The following PREX1 variants were observed in gnomAD, a reference collection of about 807,000 sequenced individuals.
The protein encoded by PREX1 is phosphatidylinositol 3,4,5-trisphosphate-dependent Rac exchanger 1 protein.
A neutral mutation model predicts 198.3 loss-of-function variants in PREX1; 41 were observed. The ratio of observed to expected loss-of-function variants is 0.21; its 90% CI spans 0.16 to 0.27. PREX1 has a LOEUF of 0.27. Among genes scored for constraint, PREX1 ranks in the 10% least tolerant of loss-of-function variants. PREX1 has a pLI of 1.00. For synonymous variants in PREX1, 843 were observed against 887.2 expected (o/e 0.95, Z 0.89); for missense variants, 1,620 against 2,200.7 (o/e 0.74, Z 5.28).
chr20:48,768,062 T>G (rs2090217354), intron 1 of PREX1, among the ~76,000 whole-genome samples: 1 of 152,098 alleles, frequency 6.6e-6, no homozygotes, highest in South Asian at 2.1e-4. Flanking sequence ...TGGGTTGAGG[T>G]AGACAGAAGA....
the PREX1 span, among the ~76,000 whole-genome samples, chr20:48,886,698 G>T: frequency 6.6e-6 from 1 of 152,262 alleles, no homozygotes; most frequent in Non-Finnish European, 1.5e-5. Context: ...TTAAGCTTGT[G>T]TCTGCACTCT....
chr20:48,824,225 G>A (rs2090499542), intron 1 of PREX1, among the ~76,000 whole-genome samples: 2 of 152,056 alleles, frequency 1.3e-5, no homozygotes, highest in South Asian at 2.1e-4. Context: ...ATAAACACAC[G>A]CAAAACACCA....
the PREX1 span, among the ~76,000 whole-genome samples, chr20:48,849,143 C>T: frequency 6.6e-6 from 1 of 151,898 alleles, no homozygotes; most frequent in Non-Finnish European, 1.5e-5. Context: ...CTTGGAAACC[C>T]GGAGAAGCAT....
At chr20:48,756,086 C>T (rs1023514700) in intron 1 of PREX1, among the ~76,000 whole-genome samples, 1 of 152,158 alleles carries the variant, frequency 6.6e-6, no homozygotes, top group African/African-American at 2.4e-5. Context: ...AGCGGCAAGG[C>T]AAATATGAGA....
intron 5 of PREX1, among the ~76,000 whole-genome samples, chr20:48,723,718 G>A (rs2089997187): frequency 6.6e-6 from 1 of 152,158 alleles, no homozygotes. Flanking sequence ...GGGCGGTTCT[G>A]CCCCTGCTCT....
intron 1 of PREX1, among the ~76,000 whole-genome samples, chr20:48,749,603 G>A (rs1405297793): frequency 6.6e-6 from 1 of 152,184 alleles, no homozygotes; most frequent in Admixed American, 6.5e-5. Flanking sequence ...ACACGTCCAT[G>A]CCTGCCCCCG....
Position 48,821,428 on chromosome 20 carries a change from G to T in PREX1, c.219+6214C>A, listed in dbSNP as rs549611059. Among the ~76,000 whole-genome samples the T allele has an allele frequency of 3.9e-5, 6 of 152,260 alleles. No individual in the cohort carries two copies. The South Asian group carries it at 1.2e-3, about 32-fold the overall frequency. ...CACCTGGCTTCTGTTCAAGATCTCC[G>T]AAACGCAGGGCAGGAATCAGCTCCG... is the stretch of plus-strand genomic sequence containing the variant. On this transcript the variant is annotated intron_variant, in intron 1 of 39. Coordinates refer to ENST00000371941, the MANE Select transcript of PREX1 (RefSeq NM_020820.4).
chr20:48,816,921 C>T (rs1044395420), intron 1 of PREX1, among the ~76,000 whole-genome samples: 2 of 152,172 alleles, frequency 1.3e-5, no homozygotes, highest in African/African-American at 4.8e-5. Context: ...TATTTTAAGC[C>T]ACTAAATGTG....
At chr20:48,740,548 A>C (rs1477674397) in intron 3 of PREX1, among the ~76,000 whole-genome samples, 1 of 152,300 alleles carries the variant, frequency 6.6e-6, no homozygotes, top group South Asian at 2.1e-4. Context: ...GCTGGGGTGG[A>C]GCCTCTGCAA....
chr20:48,707,665 G>A (rs553109954), intron 6 of PREX1, among the ~76,000 whole-genome samples: 49 of 151,986 alleles, frequency 3.2e-4, no homozygotes, highest in Middle Eastern at 6.8e-3. Flanking sequence ...TTCCTTCTAC[G>A]GATTCACAGG....
chr20:48,834,472 A>G, the PREX1 span, among the ~76,000 whole-genome samples: 1 of 152,106 alleles, frequency 6.6e-6, no homozygotes, highest in African/African-American at 2.4e-5. Context: ...TTTCCTCTGT[A>G]GCCGGCAGAA....
At chr20:48,704,299 G>A (rs2089891601) in intron 6 of PREX1, among the ~76,000 whole-genome samples, 1 of 152,236 alleles carries the variant, frequency 6.6e-6, no homozygotes, top group African/African-American at 2.4e-5. Context: ...GCAATCGATA[G>A]TCTAGAGCAG....
At chr20:48,637,635 C>G in intron 31 of PREX1, 76 bp downstream of exon 31, 2 of 1,401,690 alleles carry the variant, frequency 1.4e-6, no homozygotes, top group Non-Finnish European at 1.9e-6. Context: ...GTCCAGGCCC[C>G]GAGGGCATGG....
the PREX1 span, among the ~76,000 whole-genome samples, chr20:48,887,860 G>C: frequency 0.14 from 21,393 of 147,652 alleles, 1,558 homozygotes; most frequent in African/African-American, 0.16. Context: ...TGAGGCGGGA[G>C]AATGGCGTAA....
At chr20:48,695,959 G>C (rs1044741499) in intron 7 of PREX1, among the ~76,000 whole-genome samples, 1 of 152,226 alleles carries the variant, frequency 6.6e-6, no homozygotes, top group African/African-American at 2.4e-5. Flanking sequence ...AATAGGCACA[G>C]GGCCAAGTCT....
Position 48,726,332 on chromosome 20 carries a change from C to T in PREX1, c.579G>A (p.Leu193=). Residue 193 remains leucine (L), a synonymous_variant, in exon 5 of 40, where the codon TTG becomes TTA. Coordinates refer to ENST00000371941, the MANE Select transcript of PREX1 (RefSeq NM_020820.4). ...ACTTGCAGATCCTCTGGATCGGAGACAACAGGTAGCCTTCCAAAGGGATGT... is the reference window on the plus strand; with the variant it reads ...ACTTGCAGATCCTCTGGATCGGAGATAACAGGTAGCCTTCCAAAGGGATGT... The part of the protein sequence containing the change: ...TTDIPLEGYL[L]SPIQRICKYP... The T allele has an allele frequency of 1.2e-6, 2 of 1,613,998 alleles. No homozygotes were observed. Among genetic ancestry groups the T allele is most frequent in the East Asian group, 4.5e-5 (2 of 44,890 alleles).
chr20:48,750,109 C>G (rs1050610452), intron 1 of PREX1, among the ~76,000 whole-genome samples: 7 of 152,160 alleles, frequency 4.6e-5, no homozygotes, highest in African/African-American at 9.7e-5. Context: ...AGGGCTCTAG[C>G]CAAAACCCAC....
the PREX1 span, among the ~76,000 whole-genome samples, chr20:48,868,659 C>G: frequency 0.1 from 15,342 of 152,156 alleles, 881 homozygotes; most frequent in Middle Eastern, 0.16. Context: ...TGAAAAGGTA[C>G]AGAAAATGTC....
the PREX1 span, among the ~76,000 whole-genome samples, chr20:48,842,313 G>A: frequency 2.0e-5 from 3 of 151,910 alleles, no homozygotes; most frequent in Non-Finnish European, 4.4e-5. Flanking sequence ...CTCTTCTTTC[G>A]GAAAGCCTTG....
Sources: gnomAD v4.1 joint callset for allele counts (sites outside exome capture counted in the v4.1 genomes callset) on GRCh38, gnomAD v4.1.1 for gene constraint, MANE v1.5 for transcripts, NCBI Gene and HGNC (gene_info 2026-07-23, HGNC 2026-07-21) for gene names.